The following RARB variants were observed in gnomAD, a reference collection of about 807,000 sequenced individuals.
RARB encodes the protein retinoic acid receptor beta.
RARB carries 17 observed loss-of-function variants against 51.9 expected under a neutral mutation model. The ratio of observed to expected loss-of-function variants is 0.33; its 90% CI spans 0.22 to 0.49. The LOEUF (loss-of-function observed/expected upper bound fraction) is 0.49. Among genes scored for constraint, RARB ranks in the 20% least tolerant of loss-of-function variants. The pLI, the probability that RARB is intolerant of heterozygous loss-of-function variation, is 0.99. For missense variants in RARB, 369 were observed against 550.8 expected (o/e 0.67, Z 3.30); for synonymous variants, 215 against 195.4 (o/e 1.10, Z -0.84).
chr3:25,071,102 T>C lies in RARB; in HGVS notation c.-328+10926T>C, dbSNP rs527489334. Among the ~76,000 whole-genome samples, 10 of 152,258 alleles carry C rather than the reference T, an allele frequency of 6.6e-5. No individual in the cohort carries two copies. The South Asian group carries it at 8.3e-4, about 13-fold the overall frequency. ...AAGGATTTAATGGGCTTCTTAAAAATAAAACCATTTAAAAGTAAGCTTCTT... is the reference window on the plus strand; with the variant it reads ...AAGGATTTAATGGGCTTCTTAAAAACAAAACCATTTAAAAGTAAGCTTCTT... On this transcript the variant is annotated intron_variant, in intron 3 of 11. Coordinates refer to the RARB transcript ENST00000383772.
intron 5 of RARB, among the ~76,000 whole-genome samples, chr3:25,335,560 G>T (rs1459017390): frequency 6.6e-6 from 1 of 152,090 alleles, no homozygotes; most frequent in African/African-American, 2.4e-5. Flanking sequence ...CAGTTCCATT[G>T]TGCAGTCACC....
chr3:25,150,964 G>A (rs1027150752), intron 4 of RARB, among the ~76,000 whole-genome samples: 1 of 152,314 alleles, frequency 6.6e-6, no homozygotes, highest in Non-Finnish European at 1.5e-5. Flanking sequence ...ATACGTTGGG[G>A]GTGAGGGGAT....
chr3:25,159,154 C>CTTTTTTTT (rs397874262), intron 4 of RARB, among the ~76,000 whole-genome samples: 3 of 65,302 alleles, frequency 4.6e-5, no homozygotes, highest in African/African-American at 6.7e-5. Context: ...TCCAAATTGT[C>CTTTTTTTT]TTTTTTTTTT....
At chr3:25,516,419 T>G (rs1188563052) in intron 3 of RARB, among the ~76,000 whole-genome samples, 1 of 152,136 alleles carries the variant, frequency 6.6e-6, no homozygotes, top group Non-Finnish European at 1.5e-5. Context: ...AATTATTCTT[T>G]TTTCCATAAT....
intron 1 of RARB, among the ~76,000 whole-genome samples, chr3:24,850,010 G>C (rs1056817509): frequency 2.0e-5 from 3 of 152,156 alleles, no homozygotes; most frequent in African/African-American, 4.8e-5. Context: ...AGTTCTGAAG[G>C]CTGGGAAGTT....
intron 2 of RARB, among the ~76,000 whole-genome samples, chr3:24,986,930 C>T (rs1696806918): frequency 6.6e-6 from 1 of 151,664 alleles, no homozygotes; most frequent in South Asian, 2.1e-4. Flanking sequence ...TAAGAATAGC[C>T]TATGAAAATC....
At chr3:24,871,185 GT>G (rs1422632068) in intron 2 of RARB, among the ~76,000 whole-genome samples, 2 of 152,084 alleles carry the variant, frequency 1.3e-5, no homozygotes, top group East Asian at 1.9e-4. Context: ...CATGTTTGAA[GT>G]TTTTTATACA....
At chr3:24,985,580 T>C (rs7639868) in intron 2 of RARB, among the ~76,000 whole-genome samples, 32,513 of 152,124 alleles carry the variant, frequency 0.21, 3,819 homozygotes, top group South Asian at 0.28. Context: ...AAAACACATG[T>C]CAAGAACCCT....
chr3:25,159,516 T>A (rs560844297), intron 4 of RARB, among the ~76,000 whole-genome samples: 1 of 151,894 alleles, frequency 6.6e-6, no homozygotes, highest in East Asian at 1.9e-4. Context: ...CTGAATAAGT[T>A]GTGAGCCACA....
chr3:24,940,202 A>G (rs1695631237), intron 2 of RARB, among the ~76,000 whole-genome samples: 1 of 152,122 alleles, frequency 6.6e-6, no homozygotes, highest in African/African-American at 2.4e-5. Flanking sequence ...ACATCGTTTC[A>G]TCTTTTCGTA....
At chr3:25,100,190 T>A (rs1019831075) in intron 3 of RARB, among the ~76,000 whole-genome samples, 3 of 152,182 alleles carry the variant, frequency 2.0e-5, no homozygotes, top group Non-Finnish European at 2.9e-5. Context: ...AACATATCCG[T>A]TTTTATATTT....
At chr3:25,310,964 G>A (rs1432030577) in intron 5 of RARB, among the ~76,000 whole-genome samples, 1 of 152,208 alleles carries the variant, frequency 6.6e-6, no homozygotes, top group East Asian at 1.9e-4. Context: ...GAAATTAAAG[G>A]AGATGTATAC....
rs1330927086 is a variant in RARB, at chr3:25,009,151, AG to A, written c.-379-50973del. 2.0e-5 allele frequency among the ~76,000 whole-genome samples: 3 copies of A among 152,124 alleles called. No homozygotes were observed. The East Asian group carries it at 5.8e-4, about 29-fold the overall frequency. ...CACAATTGCTTGGAGTCCTTGAGCA[AG>A]TCACTTAATTCTGGACATTTCTGGC... On this transcript the variant is annotated intron_variant, in intron 2 of 11. Transcript: ENST00000383772.
chr3:25,187,520 T>C (rs1701006025), intron 5 of RARB, among the ~76,000 whole-genome samples: 1 of 152,090 alleles, frequency 6.6e-6, no homozygotes, highest in African/African-American at 2.4e-5. Context: ...AGATAAAATA[T>C]GAATATATCC....
chr3:25,193,792 G>A (rs186492369), intron 5 of RARB, among the ~76,000 whole-genome samples: 13 of 151,952 alleles, frequency 8.6e-5, no homozygotes, highest in African/African-American at 2.2e-4. Context: ...GGAAATGGAG[G>A]CAACTATATA....
chr3:25,231,546 C>T (rs1005678977), intron 5 of RARB, among the ~76,000 whole-genome samples: 1 of 152,184 alleles, frequency 6.6e-6, no homozygotes, highest in African/African-American at 2.4e-5. Flanking sequence ...ACATCAATGA[C>T]TATCAACTTG....
chr3:25,074,264 A>C, intron 3 of RARB, among the ~76,000 whole-genome samples: 1 of 152,262 alleles, frequency 6.6e-6, no homozygotes, highest in East Asian at 1.9e-4. Context: ...CTATTTACCA[A>C]GTCACAGTAT....
At chr3:25,197,606 C>T (rs1467308746) in intron 5 of RARB, among the ~76,000 whole-genome samples, 1 of 151,912 alleles carries the variant, frequency 6.6e-6, no homozygotes, top group African/African-American at 2.4e-5. Context: ...GATACAAAAT[C>T]AACCTACAAA....
In RARB at chr3:24,840,438, C is replaced by T. The variant is rs1702405751; in HGVS notation, c.-459+11035C>T. 2.0e-5 allele frequency among the ~76,000 whole-genome samples: 3 copies of T among 152,254 alleles called. No individual in the cohort carries two copies. In the South Asian group the frequency reaches 6.2e-4, roughly 32 times the overall value. On this transcript the variant is annotated intron_variant, in intron 1 of 11. Transcript: ENST00000383772. ...ATGGAGGGTTTTCCCCAGAAATGCCCAGCAAGGAATGATGGTTGCTGTGGG... is the reference window on the plus strand; with the variant it reads ...ATGGAGGGTTTTCCCCAGAAATGCCTAGCAAGGAATGATGGTTGCTGTGGG...
Sources: allele counts gnomAD v4.1 joint callset (sites outside exome capture counted in the v4.1 genomes callset), GRCh38; gene constraint gnomAD v4.1.1; transcripts MANE v1.5; gene names NCBI Gene and HGNC (gene_info 2026-07-23, HGNC 2026-07-21).